CABYR: variants seen among roughly 807,000 people sequenced by gnomAD.
CABYR encodes the protein calcium binding tyrosine phosphorylation regulated.
CABYR carries 31 observed loss-of-function variants against 36.1 expected under a neutral mutation model. That is an observed-to-expected ratio of 0.86 (90% CI 0.64 to 1.16). The LOEUF (loss-of-function observed/expected upper bound fraction) is 1.16. Ranked by LOEUF, CABYR falls within the 50% of genes most tolerant of loss-of-function variation. The pLI is 0.00. For synonymous variants in CABYR, 146 were observed against 160.7 expected (o/e 0.91, Z 0.69); for missense variants, 429 against 455.8 (o/e 0.94, Z 0.53).
At chr18:24,149,100 T>C (rs1483719225) in intron 3 of CABYR, among the ~76,000 whole-genome samples, 1 of 151,990 alleles carries the variant, frequency 6.6e-6, no homozygotes, top group Non-Finnish European at 1.5e-5. Context: ...CCCACCAGAT[T>C]AGATAGATAC....
chr18:24,149,433 G>A (rs1232555798), intron 3 of CABYR, among the ~76,000 whole-genome samples: 1 of 152,166 alleles, frequency 6.6e-6, no homozygotes, highest in Non-Finnish European at 1.5e-5. Flanking sequence ...CAATCCCTGG[G>A]CTAGACATAA....
intron 3 of CABYR, among the ~76,000 whole-genome samples, chr18:24,150,930 C>T (rs1428641807): frequency 6.6e-6 from 1 of 152,082 alleles, no homozygotes; most frequent in Non-Finnish European, 1.5e-5. Flanking sequence ...CAGGCGCCCG[C>T]CACCACGCCC....
chr18:24,151,029 CTCT>C (rs995498015), intron 3 of CABYR, among the ~76,000 whole-genome samples: 1 of 152,152 alleles, frequency 6.6e-6, no homozygotes, highest in Non-Finnish European at 1.5e-5. Flanking sequence ...CCTCTCGTAT[CTCT>C]TGTTAGGCCC....
Position 24,159,741 on chromosome 18 carries a change from C to G in CABYR, c.811C>G (p.Gln271Glu). 1 of 1,614,030 alleles carries G rather than the reference C, an allele frequency of 6.2e-7. No homozygotes were observed. The highest frequency in any genetic ancestry group is 8.5e-7 in the Non-Finnish European group (1 of 1,180,034). The part of the protein sequence containing the change: ...ILVGSNVQEA[Q>E]GWKPLPGHAV... ...AGTAGGCTCAAATGTTCAGGAAGCA[C>G]AGGGATGGAAACCTCTTCCTGGACA... Residue 271 changes from glutamine (Q) to glutamate (E), a missense_variant, in exon 5 of 6, where the codon CAG (glutamine) becomes GAG (glutamate). Coordinates refer to ENST00000399496, the MANE Select transcript of CABYR (RefSeq NM_153769.3).
intron 1 of CABYR, among the ~76,000 whole-genome samples, chr18:24,140,510 T>TGTG (rs34562841): frequency 0.98 from 148,758 of 152,134 alleles, 72,817 homozygotes; most frequent in East Asian, 1. Context: ...TTAATCACAT[T>TGTG]GGGAATGGGG....
At chr18:24,143,548 T>C (rs1247488798) in intron 3 of CABYR, 135 bp downstream of exon 3, 2 of 300,286 alleles carry the variant, frequency 6.7e-6, no homozygotes, top group South Asian at 1.2e-4. Flanking sequence ...TTTTAAAATA[T>C]ATATATATAT....
At chr18:24,154,369 C>T (rs934864967) in intron 3 of CABYR, among the ~76,000 whole-genome samples, 6 of 152,034 alleles carry the variant, frequency 3.9e-5, no homozygotes, top group African/African-American at 1.5e-4. Flanking sequence ...ATGGGAAAGT[C>T]CTGAAGAGGT....
At chr18:24,148,711 C>G (rs937277969) in intron 3 of CABYR, 1 of 149,408 alleles carries the variant, frequency 6.7e-6, no homozygotes, top group Non-Finnish European at 1.5e-5. Flanking sequence ...AGGAGTGAAG[C>G]TGCAGACCTT....
chr18:24,143,851 A>C (rs1441186231), intron 3 of CABYR, among the ~76,000 whole-genome samples: 1 of 151,902 alleles, frequency 6.6e-6, no homozygotes, highest in Non-Finnish European at 1.5e-5. Context: ...ATAAAGACTC[A>C]AATTATGAGA....
intron 1 of CABYR, among the ~76,000 whole-genome samples, 187 bp from the exon 2 acceptor site, chr18:24,142,904 G>A (rs999661709): frequency 6.6e-6 from 1 of 151,610 alleles, no homozygotes; most frequent in Non-Finnish European, 1.5e-5. Context: ...GTGGTGCCAT[G>A]TGCCTGTAGT....
chr18:24,149,616 C>T (rs1402906020), intron 3 of CABYR, among the ~76,000 whole-genome samples: 2 of 152,186 alleles, frequency 1.3e-5, no homozygotes, highest in Admixed American at 1.3e-4. Flanking sequence ...CGGTGCTCAT[C>T]GGGGAGGCTC....
intron 3 of CABYR, among the ~76,000 whole-genome samples, chr18:24,154,745 G>GTT (rs2085730030): frequency 6.6e-6 from 1 of 152,242 alleles, no homozygotes. Flanking sequence ...GACTAAGGTA[G>GTT]TTAGGTGTGT....
chr18:24,157,387 A>G (rs2085819363), intron 4 of CABYR, among the ~76,000 whole-genome samples: 1 of 152,228 alleles, frequency 6.6e-6, no homozygotes. Context: ...TAAAAATTAA[A>G]CTACAGCAAT....
At chr18:24,142,587 A>G (rs1252037963) in intron 1 of CABYR, among the ~76,000 whole-genome samples, 1 of 150,082 alleles carries the variant, frequency 6.7e-6, no homozygotes, top group Non-Finnish European at 1.5e-5. Flanking sequence ...ATGGATTTCT[A>G]TCATGGTACT....
At chr18:24,150,325 T>A (rs1001253109) in intron 3 of CABYR, among the ~76,000 whole-genome samples, 1 of 152,324 alleles carries the variant, frequency 6.6e-6, no homozygotes, top group Middle Eastern at 3.4e-3. Context: ...AAACTGGCCA[T>A]GCCCTCTTTT....
At chr18:24,143,898 GT>G (rs869093855) in intron 3 of CABYR, among the ~76,000 whole-genome samples, 187 of 143,484 alleles carry the variant, frequency 1.3e-3, no homozygotes, top group South Asian at 5.3e-3. Context: ...TTGTTGGAAG[GT>G]TTTTTTTTTT....
chr18:24,153,185 G>T (rs1004920749), intron 3 of CABYR, among the ~76,000 whole-genome samples: 6 of 151,958 alleles, frequency 3.9e-5, no homozygotes, highest in African/African-American at 1.5e-4. Context: ...AGCAGTACAG[G>T]AGGTTCCCTG....
intron 4 of CABYR, among the ~76,000 whole-genome samples, chr18:24,158,678 C>T (rs2085863118): frequency 1.3e-5 from 2 of 152,110 alleles, no homozygotes; most frequent in South Asian, 2.1e-4. Flanking sequence ...GATGGCCCAG[C>T]GTTCAAAAGG....
At chr18:24,156,791 T>C (rs781410233) in intron 4 of CABYR, 3 of 1,613,976 alleles carry the variant, frequency 1.9e-6, no homozygotes, top group African/African-American at 2.7e-5. Flanking sequence ...TCTCTGACAA[T>C]ACTGGGCAGG....
Sources: gnomAD v4.1 joint callset for allele counts (sites outside exome capture counted in the v4.1 genomes callset) on GRCh38, gnomAD v4.1.1 for gene constraint, MANE v1.5 for transcripts, NCBI Gene and HGNC (gene_info 2026-07-23, HGNC 2026-07-21) for gene names.